Variants in ANO3 observed in about 807,000 individuals in gnomAD.
The protein encoded by ANO3 is anoctamin-3.
A neutral mutation model predicts 144.8 loss-of-function variants in ANO3; 99 were observed. That is an observed-to-expected ratio of 0.68 (90% CI 0.58 to 0.81). ANO3 has a LOEUF of 0.81. ANO3 is among the 30% of genes least tolerant of loss of function. The probability of loss-of-function intolerance (pLI) is 0.00; values close to 1 mark genes in which losing one functional copy is unlikely to be tolerated. For missense variants in ANO3, 905 were observed against 1,202.2 expected (o/e 0.75, Z 3.66); for synonymous variants, 414 against 392.6 (o/e 1.05, Z -0.64).
chr11:26,215,309 T>C (rs1852015140), intron 1 of ANO3, among the ~76,000 whole-genome samples: 1 of 152,050 alleles, frequency 6.6e-6, no homozygotes, highest in Non-Finnish European at 1.5e-5. Flanking sequence ...TCTATTGTTA[T>C]GGCCACAAAG....
intron 8 of ANO3, among the ~76,000 whole-genome samples, chr11:26,531,740 TATTA>T (rs1289569709): frequency 4.6e-5 from 7 of 152,164 alleles, no homozygotes; most frequent in African/African-American, 1.2e-4. Context: ...AACATATATT[TATTA>T]ATTAAGCTAT....
intron 17 of ANO3, among the ~76,000 whole-genome samples, chr11:26,618,221 C>CT (rs201929277): frequency 2.7e-4 from 40 of 147,744 alleles, no homozygotes; most frequent in African/African-American, 6.0e-4. Context: ...TCAGTCAGAC[C>CT]TTTTTTTTTT....
At chr11:26,358,583 T>A (rs992807794) in intron 1 of ANO3, among the ~76,000 whole-genome samples, 2 of 152,194 alleles carry the variant, frequency 1.3e-5, no homozygotes, top group African/African-American at 4.8e-5. Flanking sequence ...ATTATATTTT[T>A]TACTTTTATA....
At chr11:26,257,870 G>A (rs1046004119) in intron 1 of ANO3, among the ~76,000 whole-genome samples, 4 of 152,000 alleles carry the variant, frequency 2.6e-5, no homozygotes, top group Non-Finnish European at 4.4e-5. Context: ...AAAAACTATT[G>A]TGTTTACTAA....
At chr11:26,642,342 C>CTTTTTTTTTTTTTTTTTTTT (rs576729432) in intron 22 of ANO3, among the ~76,000 whole-genome samples, 1 of 93,064 alleles carries the variant, frequency 1.1e-5, no homozygotes, top group Non-Finnish European at 2.1e-5. Flanking sequence ...TTCTTTCTTT[C>CTTTTTTTTTTTTTTTTTTTT]TTTTTTTTTT....
intron 1 of ANO3, among the ~76,000 whole-genome samples, chr11:26,384,045 G>A (rs761503266): frequency 2.6e-5 from 4 of 151,336 alleles, no homozygotes; most frequent in African/African-American, 4.9e-5. Flanking sequence ...TTACAGGCGC[G>A]TGCCACCATA....
At chr11:26,510,565 C>T (rs294020) in intron 5 of ANO3, among the ~76,000 whole-genome samples, 96,115 of 152,060 alleles carry the variant, frequency 0.63, 30,653 homozygotes, top group East Asian at 0.79. Context: ...TATTATGATG[C>T]TGGTATTTGT....
At chr11:26,273,508 GA>G (rs779237561) in intron 1 of ANO3, among the ~76,000 whole-genome samples, 41 of 152,156 alleles carry the variant, frequency 2.7e-4, no homozygotes, top group Admixed American at 5.2e-4. Context: ...GACAAGCTGT[GA>G]AAACCATCAA....
At chr11:26,565,827 G>A (rs752254987) in intron 14 of ANO3, 1 of 1,612,606 alleles carries the variant, frequency 6.2e-7, no homozygotes, top group South Asian at 1.1e-5. Context: ...AAACAACGTT[G>A]AAATCAACAG....
At chr11:26,386,358 G>T (rs528608975) in intron 1 of ANO3, among the ~76,000 whole-genome samples, 44 of 152,248 alleles carry the variant, frequency 2.9e-4, no homozygotes, top group African/African-American at 9.4e-4. Context: ...TCACATTTTG[G>T]CATCCATCAT....
intron 4 of ANO3, among the ~76,000 whole-genome samples, chr11:26,484,841 T>C (rs988267313): frequency 5.9e-5 from 9 of 152,190 alleles, no homozygotes; most frequent in Non-Finnish European, 1.2e-4. Context: ...AGCCCTTTCA[T>C]CAGTGTGGCC....
intron 14 of ANO3, among the ~76,000 whole-genome samples, chr11:26,595,457 GTTGTTTTTTTTT>G (rs1851583447): frequency 1.5e-5 from 1 of 67,840 alleles, no homozygotes; most frequent in African/African-American, 6.5e-5. Flanking sequence ...TTGAGATAGA[GTTGTTTTTTTTT>G]TTTTTTTTTT....
intron 1 of ANO3, among the ~76,000 whole-genome samples, chr11:26,279,051 G>A (rs989483175): frequency 2.0e-5 from 3 of 152,132 alleles, no homozygotes; most frequent in Non-Finnish European, 4.4e-5. Flanking sequence ...AGGCAATTTT[G>A]TATGCAAGAT....
At chr11:26,392,025 T>A (rs983694590) in intron 1 of ANO3, among the ~76,000 whole-genome samples, 2 of 152,128 alleles carry the variant, frequency 1.3e-5, no homozygotes, top group African/African-American at 4.8e-5. Flanking sequence ...ATGAATCCTC[T>A]TTCTTGAACA....
chr11:26,524,084 A>C (rs1849097164), intron 6 of ANO3, among the ~76,000 whole-genome samples: 1 of 152,250 alleles, frequency 6.6e-6, no homozygotes, highest in Non-Finnish European at 1.5e-5. Flanking sequence ...TGAATTAAAC[A>C]AAGGCTCATT....
At chr11:26,208,831 G>A (rs550467961) in intron 1 of ANO3, among the ~76,000 whole-genome samples, 2 of 152,244 alleles carry the variant, frequency 1.3e-5, no homozygotes, top group Non-Finnish European at 2.9e-5. Flanking sequence ...ACTAACATTT[G>A]TTGAGTTTTG....
chr11:26,277,880 G>A (rs1041507097), intron 1 of ANO3, among the ~76,000 whole-genome samples: 2 of 151,922 alleles, frequency 1.3e-5, no homozygotes, highest in African/African-American at 2.4e-5. Context: ...ACCCAGTAAA[G>A]ATATCTTTAT....
At chr11:26,330,078 G>T (rs1173240342), upstream of ANO3, among the ~76,000 whole-genome samples, 1 of 151,982 alleles carries the variant, frequency 6.6e-6, no homozygotes, top group Non-Finnish European at 1.5e-5. Flanking sequence ...TTAAAAGGGG[G>T]TTTTAAACAT....
intron 1 of ANO3, among the ~76,000 whole-genome samples, chr11:26,243,987 G>T (rs181287495): frequency 6.6e-6 from 1 of 151,834 alleles, no homozygotes; most frequent in East Asian, 1.9e-4. Context: ...ATATGGTGGA[G>T]GTGTCTGTAG....
Sources: allele counts gnomAD v4.1 joint callset (sites outside exome capture counted in the v4.1 genomes callset), GRCh38; gene constraint gnomAD v4.1.1; transcripts MANE v1.5; gene names NCBI Gene and HGNC (gene_info 2026-07-23, HGNC 2026-07-21).